ARHGEF3: variants seen among roughly 807,000 people sequenced by gnomAD.
ARHGEF3 encodes 59.8 kDA protein.
Under a neutral mutation model 63.2 loss-of-function variants are expected in ARHGEF3, and 28 were observed. The ratio of observed to expected loss-of-function variants is 0.44; its 90% confidence interval spans 0.33 to 0.61. ARHGEF3 has a LOEUF of 0.61. Among genes scored for constraint, ARHGEF3 ranks in the 20% least tolerant of loss-of-function variants. The pLI is 0.03. For synonymous variants in ARHGEF3, 266 were observed against 254.2 expected (o/e 1.05, Z -0.44); for missense variants, 533 against 659.3 (o/e 0.81, Z 2.10).
chr3:56,811,735 T>C (rs1192107146), intron 4 of ARHGEF3, among the ~76,000 whole-genome samples: 3 of 152,196 alleles, frequency 2.0e-5, no homozygotes, highest in East Asian at 3.8e-4. Context: ...GCCTTGGCAA[T>C]AGAGGACTGA....
At chr3:56,826,830 TG>T (rs2038731183) in intron 4 of ARHGEF3, among the ~76,000 whole-genome samples, 1 of 152,216 alleles carries the variant, frequency 6.6e-6, no homozygotes, top group South Asian at 2.1e-4. Context: ...TCTGCTTTTT[TG>T]CTTAAATGAA....
intron 4 of ARHGEF3, among the ~76,000 whole-genome samples, chr3:56,807,668 A>G (rs2037911271): frequency 6.6e-6 from 1 of 152,210 alleles, no homozygotes; most frequent in Non-Finnish European, 1.5e-5. Context: ...GGGAACCTAA[A>G]GAAGTTCTGG....
At chr3:57,055,554 A>T (rs909758822) in intron 1 of ARHGEF3, among the ~76,000 whole-genome samples, 13 of 152,034 alleles carry the variant, frequency 8.6e-5, no homozygotes, top group Non-Finnish European at 1.9e-4. Flanking sequence ...AACTCCATTG[A>T]TTTGCCTTGC....
chr3:56,837,052 G>A (rs1300446798), intron 4 of ARHGEF3, among the ~76,000 whole-genome samples: 1 of 152,190 alleles, frequency 6.6e-6, no homozygotes, highest in African/African-American at 2.4e-5. Context: ...ATGAATTCAT[G>A]CTTTCAAGGA....
At chr3:56,897,916 T>C (rs1466849061) in intron 3 of ARHGEF3, among the ~76,000 whole-genome samples, 1 of 151,932 alleles carries the variant, frequency 6.6e-6, no homozygotes. Flanking sequence ...GTCGCAGTTC[T>C]GTTGCTCATG....
At chr3:57,063,872 A>G (rs1427473483) in intron 1 of ARHGEF3, among the ~76,000 whole-genome samples, 2 of 152,218 alleles carry the variant, frequency 1.3e-5, no homozygotes, top group Admixed American at 6.5e-5. Flanking sequence ...CATCATTCAC[A>G]ATAGACAAAA....
At position 56,729,290 on chromosome 3, in the gene ARHGEF3, G is replaced by T; in HGVS notation, c.1561C>A (p.His521Asn). ...QTDSSCGNSRHGESNV is the reference protein window; with the variant it reads ...QTDSSCGNSRNGESNV ...TTCTGTCAGACGTTACTTTCACCGT[G>T]CCTGCTGTTTCCACAGGAAGAGTCT... The change falls in exon 10 of 10, where the codon CAC becomes AAC. Residue 521 changes from histidine to asparagine, a missense_variant. By Grantham distance (68) the His-to-Asn change is moderately conservative (BLOSUM62 1). Around this residue, in one of 4 missense-constraint regions of ARHGEF3, gnomAD observed 115 missense variants for 103.4 expected, o/e 1.11. Transcript: ENST00000296315. 6.2e-7 allele frequency: 1 copy of T among 1,613,170 alleles called. No individual in the cohort carries two copies. The highest frequency in any genetic ancestry group is 1.1e-5 in the South Asian group (1 of 90,990).
At chr3:56,967,401 A>AATATATT (rs1553793828) in intron 2 of ARHGEF3, among the ~76,000 whole-genome samples, 1,332 of 29,962 alleles carry the variant, frequency 0.044, 233 homozygotes, top group East Asian at 0.097. Flanking sequence ...TATATTATAT[A>AATATATT]ATATATTATA....
At chr3:56,799,673 G>C (rs1001300617) in intron 1 of ARHGEF3, among the ~76,000 whole-genome samples, 5 of 152,268 alleles carry the variant, frequency 3.3e-5, no homozygotes, top group Admixed American at 3.3e-4. Context: ...GAGAAGCTAG[G>C]CCTACAAGGG....
At chr3:56,779,116 T>A (rs1209853023) in intron 1 of ARHGEF3, among the ~76,000 whole-genome samples, 1 of 152,222 alleles carries the variant, frequency 6.6e-6, no homozygotes, top group South Asian at 2.1e-4. Flanking sequence ...ATATTCTCCC[T>A]GCAGCTGGAC....
intron 2 of ARHGEF3, among the ~76,000 whole-genome samples, chr3:56,757,090 T>C (rs975289177): frequency 2.6e-5 from 4 of 152,236 alleles, no homozygotes; most frequent in Admixed American, 1.3e-4. Flanking sequence ...TCTAAGGTAG[T>C]TCCCAGTTAT....
chr3:56,794,509 A>AAAAG (rs1299696282), intron 1 of ARHGEF3, among the ~76,000 whole-genome samples: 1 of 138,894 alleles, frequency 7.2e-6, no homozygotes, highest in African/African-American at 2.6e-5. Flanking sequence ...AAAAAAAAAA[A>AAAAG]AAAGAAAGTA....
intron 3 of ARHGEF3, among the ~76,000 whole-genome samples, chr3:56,913,361 C>T (rs568844852): frequency 1.3e-5 from 2 of 152,240 alleles, no homozygotes; most frequent in Admixed American, 6.5e-5. Flanking sequence ...ACAGACATTT[C>T]TGCAAAGAAG....
chr3:56,733,199 C>T (rs1231902921), intron 8 of ARHGEF3, among the ~76,000 whole-genome samples: 1 of 148,762 alleles, frequency 6.7e-6, no homozygotes, highest in Non-Finnish European at 1.5e-5. Flanking sequence ...AGGAGAATGA[C>T]ATGAACCCAG....
intron 2 of ARHGEF3, among the ~76,000 whole-genome samples, chr3:57,005,960 A>G (rs149858530): frequency 1.3e-3 from 199 of 152,308 alleles, no homozygotes; most frequent in African/African-American, 4.4e-3. Context: ...ATGAGCACCT[A>G]TTAGAAGTGA....
chr3:56,926,781 T>C (rs2042286166), intron 3 of ARHGEF3, among the ~76,000 whole-genome samples: 1 of 152,254 alleles, frequency 6.6e-6, no homozygotes, highest in Non-Finnish European at 1.5e-5. Context: ...TGTGTCATCA[T>C]TAAAATGAAA....
intron 4 of ARHGEF3, among the ~76,000 whole-genome samples, chr3:56,843,198 G>C (rs2039372823): frequency 6.6e-6 from 1 of 152,112 alleles, no homozygotes. Context: ...AAGCAGAATT[G>C]TTCTGTGGTG....
At chr3:57,036,746 G>A (rs1319978741) in intron 1 of ARHGEF3, among the ~76,000 whole-genome samples, 1 of 152,206 alleles carries the variant, frequency 6.6e-6, no homozygotes, top group East Asian at 1.9e-4. Flanking sequence ...GGCACAGGGG[G>A]TGAGGGTAAT....
intron 4 of ARHGEF3, among the ~76,000 whole-genome samples, chr3:56,830,022 C>T (rs1158984114): frequency 1.3e-5 from 2 of 152,190 alleles, no homozygotes; most frequent in Admixed American, 6.5e-5. Flanking sequence ...TACGATCACC[C>T]CATTTTACAG....
Sources: allele counts gnomAD v4.1 joint callset (sites outside exome capture counted in the v4.1 genomes callset), GRCh38; gene constraint gnomAD v4.1.1; regional missense constraint gnomAD v4.1.1; transcripts MANE v1.5; gene names NCBI Gene and HGNC (gene_info 2026-07-23, HGNC 2026-07-21).